TEX11: variants seen among roughly 807,000 people sequenced by gnomAD.
TEX11 encodes the protein testis expressed 11, also known as testis-expressed protein 11.
A neutral mutation model predicts 84.4 loss-of-function variants in TEX11; 7 were observed. The ratio of observed to expected loss-of-function variants is 0.08; its 90% CI spans 0.05 to 0.16. TEX11 has a LOEUF of 0.16. TEX11 is among the 10% of genes least tolerant of loss of function. The pLI is 1.00. For synonymous variants in TEX11, 264 were observed against 222.8 expected (o/e 1.18, Z -1.64); for missense variants, 551 against 660.5 (o/e 0.83, Z 1.82).
chrX:70,836,657 T>A (rs760708349), intron 7 of TEX11, among the ~76,000 whole-genome samples: 1 of 111,840 alleles, frequency 8.9e-6, no homozygotes, highest in South Asian at 3.7e-4. Flanking sequence ...AATAAAAAAA[T>A]TGGTCACAAT....
chrX:70,595,316 C>T (rs1174829224), intron 24 of TEX11, among the ~76,000 whole-genome samples: 2 of 111,087 alleles, frequency 1.8e-5, no homozygotes, highest in Non-Finnish European at 3.8e-5. Context: ...AACTCCTGAC[C>T]TCAAGTGATC....
chrX:70,522,832 C>T, the TEX11 span, among the ~76,000 whole-genome samples: 9 of 110,301 alleles, frequency 8.2e-5, no homozygotes, highest in Non-Finnish European at 9.5e-5. Context: ...CATGAGCCAC[C>T]GCGCCTGGCC....
the TEX11 span, among the ~76,000 whole-genome samples, chrX:70,516,989 T>C: frequency 7.1e-5 from 8 of 112,111 alleles, no homozygotes; most frequent in African/African-American, 2.6e-4. Context: ...GAGACTTTGC[T>C]GAAGTTGCTT....
intron 7 of TEX11, among the ~76,000 whole-genome samples, chrX:70,848,277 T>C (rs890476612): frequency 8.9e-6 from 1 of 112,518 alleles, no homozygotes; most frequent in African/African-American, 3.2e-5. Context: ...GCACTCATTG[T>C]GCCCTTGCAA....
chrX:70,837,931 T>C (rs746517684), intron 7 of TEX11, among the ~76,000 whole-genome samples: 104 of 111,876 alleles, frequency 9.3e-4, no homozygotes, highest in Middle Eastern at 4.6e-3. Context: ...AGTGAGTTCA[T>C]GTAAAACTGG....
chrX:70,786,921 G>C (rs968955070), intron 9 of TEX11, among the ~76,000 whole-genome samples: 2 of 111,411 alleles, frequency 1.8e-5, no homozygotes, highest in Non-Finnish European at 3.8e-5. Flanking sequence ...GATTGCCTGA[G>C]GTCAGGAGTT....
In TEX11 at chrX:70,591,755, T is replaced by G. The variant is rs373821400; in HGVS notation, c.2136A>C (p.Gln712His). The G allele has an allele frequency of 3.3e-6, 4 of 1,202,626 alleles. No homozygotes were observed. The African/African-American group carries it at 5.3e-5, about 16-fold the overall frequency. ...TCNDIHNFLK[Q>H]TGTFSNDSCE... is the part of the protein sequence containing the mutation. ...AACTTCCAGTTCCTACTGTACCTGT[T>G]TGTTTCAGGAAATTATGGATGTCAT... The change falls in exon 25 of 30, where the codon CAA becomes CAC. Residue 712 changes from glutamine (Q) to histidine (H), a missense_variant. By Grantham distance (24) the Gln-to-His change is conservative. Transcript: ENST00000374333.
chrX:70,763,429 T>C (rs1177475096), intron 9 of TEX11, among the ~76,000 whole-genome samples: 1 of 110,408 alleles, frequency 9.1e-6, no homozygotes, highest in African/African-American at 3.3e-5. Context: ...ATGATGGACT[T>C]TGGGGACTCA....
chrX:70,849,619 C>T (rs924625076), intron 7 of TEX11, among the ~76,000 whole-genome samples: 14 of 111,600 alleles, frequency 1.3e-4, no homozygotes, highest in African/African-American at 1.6e-4. Flanking sequence ...CGCTATTAAC[C>T]GCCATTTTAA....
At chrX:70,561,808 T>C (rs775701771) in intron 25 of TEX11, among the ~76,000 whole-genome samples, 2 of 112,633 alleles carry the variant, frequency 1.8e-5, no homozygotes, top group African/African-American at 6.4e-5. Context: ...ACAGTTGTTA[T>C]AATGTTTGTT....
intron 17 of TEX11, among the ~76,000 whole-genome samples, chrX:70,640,563 C>T (rs1267163243): frequency 9.0e-6 from 1 of 110,705 alleles, no homozygotes; most frequent in Non-Finnish European, 1.9e-5. Flanking sequence ...AGACTAACAG[C>T]GGATCTCTCG....
chrX:70,755,533 T>C (rs1047764317), intron 9 of TEX11, among the ~76,000 whole-genome samples: 3 of 111,069 alleles, frequency 2.7e-5, no homozygotes, highest in Non-Finnish European at 3.8e-5. Flanking sequence ...ATCTAGAAAA[T>C]AGCCTCAAAA....
chrX:70,697,387 T>C (rs983627615), intron 13 of TEX11, among the ~76,000 whole-genome samples: 7 of 111,848 alleles, frequency 6.3e-5, no homozygotes, highest in Admixed American at 1.9e-4. Context: ...GGTCGCATGG[T>C]CATTTAGTTA....
intron 8 of TEX11, among the ~76,000 whole-genome samples, chrX:70,812,496 C>T (rs959297298): frequency 1.8e-5 from 2 of 111,207 alleles, no homozygotes; most frequent in African/African-American, 3.3e-5. Flanking sequence ...CATGAGCCAC[C>T]GCGCCTGGCC....
chrX:70,866,277 T>C (rs766953190), intron 4 of TEX11, among the ~76,000 whole-genome samples: 274 of 110,551 alleles, frequency 2.5e-3, no homozygotes, highest in Middle Eastern at 4.7e-3. Flanking sequence ...ACAAATAAAC[T>C]AGAAAATCTA....
intron 7 of TEX11, among the ~76,000 whole-genome samples, chrX:70,851,662 A>AACACAC (rs760585640): frequency 7.9e-5 from 3 of 37,896 alleles, no homozygotes; most frequent in Non-Finnish European, 1.3e-4. Flanking sequence ...GAAAATTAAA[A>AACACAC]ACATACACAC....
intron 25 of TEX11, among the ~76,000 whole-genome samples, chrX:70,562,316 C>G (rs752415755): frequency 9.0e-6 from 1 of 111,160 alleles, no homozygotes; most frequent in South Asian, 3.8e-4. Context: ...ATACCCCAAC[C>G]CCATTTTTTC....
intron 17 of TEX11, among the ~76,000 whole-genome samples, chrX:70,631,902 T>C (rs1034252199): frequency 5.9e-4 from 46 of 77,439 alleles, no homozygotes; most frequent in Non-Finnish European, 9.5e-4. Flanking sequence ...CTCAAGTAAT[T>C]GTTGATACAA....
chrX:70,568,919 G>A (rs1462669508), intron 25 of TEX11, among the ~76,000 whole-genome samples: 70 of 110,352 alleles, frequency 6.3e-4, no homozygotes, highest in Middle Eastern at 4.6e-3. Flanking sequence ...TCTTTGTGGC[G>A]TTCTCTGTAT....
Sources: allele counts gnomAD v4.1 joint callset (sites outside exome capture counted in the v4.1 genomes callset), GRCh38; gene constraint gnomAD v4.1.1; transcripts MANE v1.5; gene names NCBI Gene and HGNC (gene_info 2026-07-23, HGNC 2026-07-21).